Variants in PKN2 observed in about 807,000 individuals in gnomAD.
PKN2 encodes the protein protein kinase N2, also known as serine/threonine-protein kinase N2.
A neutral mutation model predicts 119.1 loss-of-function variants in PKN2; 38 were observed. The observed-to-expected ratio is 0.32, with a 90% confidence interval of 0.25 to 0.42. PKN2 has a LOEUF of 0.42. PKN2 is among the 10% of genes least tolerant of loss of function. The pLI is 1.00. For synonymous variants in PKN2, 390 were observed against 384.9 expected (o/e 1.01, Z -0.15); for missense variants, 850 against 1,165.1 (o/e 0.73, Z 3.94).
At chr1:88,684,772 TGCTTCCCTCGGGGAACC>T (rs1666007733) in intron 1 of PKN2, 144 bp downstream of exon 1, 3 of 670,784 alleles carry the variant, frequency 4.5e-6, no homozygotes, top group Non-Finnish European at 7.0e-6. Flanking sequence ...ACTCGGGAAA[TGCTTCCCTCGGGGAACC>T]GCTTCCCTGG....
intron 6 of PKN2, 72 bp from the exon 7 acceptor site, chr1:88,784,567 T>C: frequency 1.1e-6 from 1 of 924,706 alleles, no homozygotes; most frequent in Non-Finnish European, 1.5e-6. Flanking sequence ...TTTGAATAGG[T>C]AAGAGATTTA....
At chr1:88,729,640 C>T (rs187952919) in intron 1 of PKN2, among the ~76,000 whole-genome samples, 31 of 152,312 alleles carry the variant, frequency 2.0e-4, no homozygotes, top group African/African-American at 7.0e-4. Flanking sequence ...AAGCTATGAG[C>T]TCTCTTGAAG....
chr1:88,813,888 C>G (rs562495960), intron 16 of PKN2, among the ~76,000 whole-genome samples, 155 bp downstream of exon 16: 12 of 152,204 alleles, frequency 7.9e-5, no homozygotes, highest in African/African-American at 2.9e-4. Flanking sequence ...TTGCCATATA[C>G]TTTTTGTATG....
chr1:88,806,965 G>A (rs1324922962), intron 12 of PKN2, among the ~76,000 whole-genome samples: 1 of 151,946 alleles, frequency 6.6e-6, no homozygotes, highest in Non-Finnish European at 1.5e-5. Context: ...TGAGCCGCCC[G>A]CCTCGGCCTA....
intron 8 of PKN2, among the ~76,000 whole-genome samples, chr1:88,791,962 A>G (rs939954095): frequency 6.6e-6 from 1 of 152,216 alleles, no homozygotes; most frequent in African/African-American, 2.4e-5. Flanking sequence ...GTAGGAATAC[A>G]AAGATACTTT....
At chr1:88,784,541 A>ATTT (rs149517865) in intron 6 of PKN2, 98 bp from the exon 7 acceptor site, 97 of 605,070 alleles carry the variant, frequency 1.6e-4, no homozygotes, top group African/African-American at 5.8e-4. Context: ...TTGTTACCAG[A>ATTT]TTTTTTTTTT....
chr1:88,750,223 C>T lies in PKN2; in HGVS notation c.349+8935C>T, dbSNP rs1184881969. On this transcript the variant is annotated intron_variant, in intron 2 of 21. Coordinates refer to ENST00000370521, the MANE Select transcript of PKN2 (RefSeq NM_006256.4). ...GGATGTAAAATAAAGTCTGAGGAGG[C>T]TTTCCTGGGTCTGAGAAGTAAAGAC... is the stretch of plus-strand genomic sequence containing the variant. Among the ~76,000 whole-genome samples the T allele has an allele frequency of 1.3e-5, 2 of 152,170 alleles. 1 individual carries two copies. The highest frequency in any genetic ancestry group is 3.8e-4 in the East Asian group (2 of 5,196).
At position 88,807,541 on chromosome 1, in the gene PKN2, G is replaced by A; in HGVS notation, c.1947G>A (p.Arg649=). 6.2e-7 allele frequency: 1 copy of A among 1,611,960 alleles called. No homozygotes were observed. Among genetic ancestry groups the A allele is most frequent in the Non-Finnish European group, 8.5e-7 (1 of 1,178,568 alleles). The part of the protein sequence containing the change: ...QELEDRRSQQ[R]FQFNLQDFRC... The stretch of plus-strand genomic sequence containing the variant: ...TTTCTCTTTTCAGATCTCAGCAAAG[G>A]TTTCAGTTTAATCTACAAGATTTCA... Residue 649 remains arginine (R), a synonymous_variant, in exon 14 of 22, where the codon AGG becomes AGA. Transcript: ENST00000370521.
At position 88,728,914 on chromosome 1, in the gene PKN2, A is replaced by T. The variant is rs1298847557; in HGVS notation, c.49-12074A>T. Among the ~76,000 whole-genome samples, 100 of 95,286 alleles carry T rather than the reference A, an allele frequency of 1.0e-3. 2 individuals are homozygous for T. The highest frequency in any genetic ancestry group is 4.5e-4 in the African/African-American group (7 of 15,664). The allele number at this position is 95,286 out of a possible 152,430, so 62.5% of individuals were successfully genotyped here. A position where few individuals can be genotyped will look rare whatever the true frequency, so the allele number is the denominator to read the frequency against. ...CCCATCTTTTTTTTTTTTTTTTTTT[A>T]GATGGAGTTTCGCTCTTGTGCCCAG... On this transcript the variant is annotated intron_variant, in intron 1 of 21. Coordinates refer to ENST00000370521, the MANE Select transcript of PKN2 (RefSeq NM_006256.4).
At chr1:88,722,581 C>T (rs1667725588) in intron 1 of PKN2, among the ~76,000 whole-genome samples, 1 of 151,952 alleles carries the variant, frequency 6.6e-6, no homozygotes, top group African/African-American at 2.4e-5. Context: ...CAAGACCAGC[C>T]TGGGCAACGT....
intron 16 of PKN2, among the ~76,000 whole-genome samples, chr1:88,818,833 A>G (rs1010921274): frequency 1.1e-4 from 17 of 152,160 alleles, no homozygotes; most frequent in African/African-American, 4.1e-4. Flanking sequence ...AAACATGTAT[A>G]TAGACCAATG....
intron 2 of PKN2, among the ~76,000 whole-genome samples, chr1:88,754,248 T>C (rs1669113702): frequency 6.6e-6 from 1 of 151,946 alleles, no homozygotes; most frequent in African/African-American, 2.4e-5. Flanking sequence ...CTCTGTGTCT[T>C]TTTATGTCGC....
At chr1:88,783,708 G>T (rs1570624526) in intron 6 of PKN2, among the ~76,000 whole-genome samples, 1 of 152,212 alleles carries the variant, frequency 6.6e-6, no homozygotes, top group South Asian at 2.1e-4. Context: ...ACTGTGTCTA[G>T]CCCAAATAAT....
intron 2 of PKN2, among the ~76,000 whole-genome samples, chr1:88,741,780 G>C (rs952211430): frequency 6.6e-6 from 1 of 151,708 alleles, no homozygotes; most frequent in Non-Finnish European, 1.5e-5. Context: ...GTTCAAAAAA[G>C]AAAAACATAA....
chr1:88,729,369 A>C (rs1226248711), intron 1 of PKN2, among the ~76,000 whole-genome samples: 1 of 152,156 alleles, frequency 6.6e-6, no homozygotes, highest in African/African-American at 2.4e-5. Context: ...AGCTCATCTC[A>C]AGATTCTTCG....
intron 2 of PKN2, among the ~76,000 whole-genome samples, chr1:88,756,116 TGGCCA>T (rs1022950746): frequency 2.2e-4 from 34 of 152,188 alleles, no homozygotes; most frequent in Non-Finnish European, 2.9e-5. Flanking sequence ...TTCACCATGT[TGGCCA>T]GGATGGTCTT....
intron 1 of PKN2, among the ~76,000 whole-genome samples, chr1:88,689,260 C>G (rs993579262): frequency 5.9e-5 from 9 of 152,184 alleles, no homozygotes; most frequent in African/African-American, 2.2e-4. Flanking sequence ...GCTCATAGTT[C>G]TGTCACTTAG....
intron 1 of PKN2, among the ~76,000 whole-genome samples, chr1:88,702,906 G>C (rs1487479350): frequency 6.6e-6 from 1 of 152,090 alleles, no homozygotes; most frequent in African/African-American, 2.4e-5. Flanking sequence ...TATTGTTGTG[G>C]TCAGGGAAGT....
intron 8 of PKN2, among the ~76,000 whole-genome samples, chr1:88,798,006 TAAG>T (rs1336653326): frequency 1.3e-5 from 2 of 152,002 alleles, no homozygotes; most frequent in African/African-American, 2.4e-5. Flanking sequence ...AGTGAAATTT[TAAG>T]AAGAATTTTT....
Sources: allele counts gnomAD v4.1 joint callset (sites outside exome capture counted in the v4.1 genomes callset), GRCh38; gene constraint gnomAD v4.1.1; transcripts MANE v1.5; gene names NCBI Gene and HGNC (gene_info 2026-07-23, HGNC 2026-07-21).